Variants in PCDH15 observed in about 807,000 individuals in gnomAD.
PCDH15 encodes protocadherin related 15.
PCDH15 carries 129 observed loss-of-function variants against 178.5 expected under a neutral mutation model. The ratio of observed to expected loss-of-function variants is 0.72; its 90% CI spans 0.63 to 0.84. The LOEUF (loss-of-function observed/expected upper bound fraction) is 0.84, where lower values mean the gene tolerates loss of function less well. Among genes scored for constraint, PCDH15 ranks in the 40% least tolerant of loss-of-function variants. The pLI is 0.00. For missense variants in PCDH15, 2,230 were observed against 2,099.9 expected, an observed-to-expected ratio of 1.06 and a Z score of -1.21; for synonymous variants, 800 against 732.0, an observed-to-expected ratio of 1.09 and a Z score of -1.50.
intron 7 of PCDH15, 94 bp downstream of exon 7, chr10:54,329,502 G>T: frequency 1.1e-6 from 1 of 891,810 alleles, no homozygotes; most frequent in Non-Finnish European, 1.9e-6. Context: ...AGAAGTGAGT[G>T]GCACAGAGCT....
intron 13 of PCDH15, among the ~76,000 whole-genome samples, chr10:54,161,905 C>A (rs578132481): frequency 2.6e-5 from 4 of 152,116 alleles, no homozygotes; most frequent in Non-Finnish European, 2.9e-5. Flanking sequence ...GCTGCAGCAC[C>A]TGATTAAAGT....
At position 54,380,690 on chromosome 10, in the gene PCDH15, CATATATATATGCTCCAT is replaced by C. The variant is rs1565131876; in HGVS notation, c.158-1765_158-1749del. Among the ~76,000 whole-genome samples, 24 of 45,496 alleles carry C rather than the reference CATATATATATGCTCCAT, an allele frequency of 5.3e-4. 1 individual carries two copies. Among genetic ancestry groups the C allele is most frequent in the African/African-American group, 2.3e-3 (24 of 10,618 alleles). The allele number at this position is 45,496 out of a possible 152,430, so 29.8% of individuals were successfully genotyped here. A position where few individuals can be genotyped will look rare whatever the true frequency, so the allele number is the denominator to read the frequency against. ...ATATATGCTCCATATATATATGCTCCATATATATATGCTCCATATATATATATATATATATATATATA... is the reference window on the plus strand; with the variant it reads ...ATATATGCTCCATATATATATGCTCCATATATATATATATATATATATATA... On this transcript the variant is annotated intron_variant, in intron 3 of 37. Transcript: ENST00000644397.
At chr10:55,247,053 C>A (rs567828451) in intron 1 of PCDH15, among the ~76,000 whole-genome samples, 18 of 152,194 alleles carry the variant, frequency 1.2e-4, no homozygotes, top group African/African-American at 4.3e-4. Flanking sequence ...ATACCTACCC[C>A]ACATATTTAT....
chr10:55,238,532 A>T (rs1441728164), intron 1 of PCDH15, among the ~76,000 whole-genome samples: 1 of 152,178 alleles, frequency 6.6e-6, no homozygotes, highest in Non-Finnish European at 1.5e-5. Flanking sequence ...AATTTTTTGA[A>T]TAAAATATAT....
chr10:54,668,283 A>G (rs1194948449), intron 1 of PCDH15, among the ~76,000 whole-genome samples: 1 of 152,176 alleles, frequency 6.6e-6, no homozygotes, highest in East Asian at 1.9e-4. Flanking sequence ...TAAATAAGTT[A>G]TATAAAATGT....
chr10:55,534,544 G>T lies in PCDH15; in HGVS notation c.-156+93081C>A, dbSNP rs140816132. Among the ~76,000 whole-genome samples the T allele has an allele frequency of 4.3e-3, 660 of 152,150 alleles. 5 individuals carry two copies. Among genetic ancestry groups the T allele is most frequent in the African/African-American group, 0.015 (631 of 41,532 alleles). Reference sequence around the variant, plus strand: ...CTATCATCTCACACCAGTCAGAATGGCTATTATGAAAAAGTTAAGAAGAAA... The same window carrying T: ...CTATCATCTCACACCAGTCAGAATGTCTATTATGAAAAAGTTAAGAAGAAA... On this transcript the variant is annotated intron_variant, in intron 2 of 5. Transcript: ENST00000613346.
At chr10:54,913,802 ATAT>A (rs1377334005) in intron 2 of PCDH15, among the ~76,000 whole-genome samples, 1 of 152,176 alleles carries the variant, frequency 6.6e-6, no homozygotes, top group Non-Finnish European at 1.5e-5. Flanking sequence ...GAGTCAAAAA[ATAT>A]TATTTTGGAG....
At chr10:54,331,185 A>G (rs569678281) in intron 6 of PCDH15, among the ~76,000 whole-genome samples, 2 of 151,888 alleles carry the variant, frequency 1.3e-5, no homozygotes, top group Admixed American at 6.6e-5. Context: ...AGCTGATTCA[A>G]ATCTCTCAGC....
intron 2 of PCDH15, among the ~76,000 whole-genome samples, chr10:54,999,975 C>T (rs1447921024): frequency 1.3e-5 from 2 of 152,036 alleles, no homozygotes; most frequent in African/African-American, 4.8e-5. Flanking sequence ...ACGTGCTTCA[C>T]AAGGTAATAA....
intron 2 of PCDH15, among the ~76,000 whole-genome samples, chr10:55,399,689 T>C (rs1838018421): frequency 6.6e-6 from 1 of 152,122 alleles, no homozygotes; most frequent in Non-Finnish European, 1.5e-5. Flanking sequence ...GAAGGTCTGA[T>C]ATATGAGAGG....
intron 2 of PCDH15, among the ~76,000 whole-genome samples, chr10:55,607,913 C>T (rs1436257343): frequency 6.6e-6 from 1 of 150,640 alleles, no homozygotes; most frequent in Non-Finnish European, 1.5e-5. Flanking sequence ...AAAAAAAATA[C>T]ACACACACAC....
At chr10:54,494,561 G>T (rs150216609) in intron 3 of PCDH15, among the ~76,000 whole-genome samples, 1 of 152,076 alleles carries the variant, frequency 6.6e-6, no homozygotes. Flanking sequence ...TAGGTAGGCC[G>T]CAGAGTAAAA....
intron 29 of PCDH15, among the ~76,000 whole-genome samples, chr10:53,832,913 G>T (rs2077095052): frequency 1.3e-5 from 2 of 151,756 alleles, no homozygotes; most frequent in African/African-American, 2.4e-5. Context: ...TATCACACAT[G>T]TGGCAATTAG....
At chr10:55,207,666 A>C (rs1840439105) in intron 1 of PCDH15, among the ~76,000 whole-genome samples, 1 of 152,144 alleles carries the variant, frequency 6.6e-6, no homozygotes, top group Admixed American at 6.5e-5. Context: ...AAAATAAAAT[A>C]GGTTCAAATT....
At chr10:55,557,483 T>C (rs1446199484) in intron 2 of PCDH15, among the ~76,000 whole-genome samples, 1 of 152,120 alleles carries the variant, frequency 6.6e-6, no homozygotes, top group Non-Finnish European at 1.5e-5. Flanking sequence ...CCAGAAGTGA[T>C]GAATTCAAGA....
chr10:54,731,563 T>TATATATATATATATACACAC, intron 1 of PCDH15, among the ~76,000 whole-genome samples: 9 of 49,926 alleles, frequency 1.8e-4, no homozygotes, highest in African/African-American at 5.2e-4. Flanking sequence ...TATATATATA[T>TATATATATATATATACACAC]ACACACACAC....
chr10:54,391,035 A>T (rs1950489365), intron 3 of PCDH15, among the ~76,000 whole-genome samples: 1 of 152,076 alleles, frequency 6.6e-6, no homozygotes, highest in African/African-American at 2.4e-5. Context: ...TGCCCTGATG[A>T]CCTTCTGTTT....
At chr10:55,522,187 CTGCAAACCTT>C (rs1403665742) in intron 2 of PCDH15, among the ~76,000 whole-genome samples, 3 of 151,922 alleles carry the variant, frequency 2.0e-5, no homozygotes, top group African/African-American at 4.8e-5. Context: ...ATTCTCTTCT[CTGCAAACCTT>C]TGCAAACATT....
At chr10:55,474,731 C>T (rs7067630) in intron 2 of PCDH15, among the ~76,000 whole-genome samples, 63,022 of 152,022 alleles carry the variant, frequency 0.41, 13,771 homozygotes, top group East Asian at 0.81. Flanking sequence ...CTCTCAATTG[C>T]AGCTGTTAGG....
Sources: gnomAD v4.1 joint callset for allele counts (sites outside exome capture counted in the v4.1 genomes callset) on GRCh38, gnomAD v4.1.1 for gene constraint, MANE v1.5 for transcripts, NCBI Gene and HGNC (gene_info 2026-07-23, HGNC 2026-07-21) for gene names.